Variants in TCP11L2 observed in about 807,000 individuals in gnomAD.
TCP11L2 encodes the protein T-complex protein 11-like protein 2.
TCP11L2 carries 39 observed loss-of-function variants against 50.7 expected under a neutral mutation model. The observed-to-expected ratio is 0.77, with a 90% CI of 0.60 to 1.01. The LOEUF (loss-of-function observed/expected upper bound fraction) is 1.01. Ranked by LOEUF, TCP11L2 falls within the 50% of genes least tolerant of loss-of-function variation. TCP11L2 has a pLI of 0.00. For synonymous variants in TCP11L2, 192 were observed against 219.3 expected (o/e 0.88, Z 1.10); for missense variants, 612 against 614.7 (o/e 1.00, Z 0.05).
At chr12:106,311,933 C>A (rs1030158362) in intron 2 of TCP11L2, among the ~76,000 whole-genome samples, 5 of 152,086 alleles carry the variant, frequency 3.3e-5, no homozygotes, top group African/African-American at 1.2e-4. Flanking sequence ...GAACTGTCCA[C>A]TTCTTACAAA....
chr12:106,317,657 GTA>G (rs1278743047), intron 3 of TCP11L2, among the ~76,000 whole-genome samples: 3 of 152,220 alleles, frequency 2.0e-5, no homozygotes, highest in African/African-American at 7.2e-5. Flanking sequence ...CTTAGGAAAG[GTA>G]TATAGCTCTG....
At chr12:106,328,316 C>T (rs374612481) in intron 6 of TCP11L2, among the ~76,000 whole-genome samples, 8 of 152,160 alleles carry the variant, frequency 5.3e-5, no homozygotes, top group East Asian at 3.9e-4. Context: ...GAGGCCAAGG[C>T]GGGCAGATCA....
intron 1 of TCP11L2, 192 bp downstream of exon 1, chr12:106,303,133 C>G (rs765516033): frequency 2.0e-5 from 3 of 152,196 alleles, no homozygotes; most frequent in Non-Finnish European, 4.4e-5. Flanking sequence ...TGTTTGACCT[C>G]GAACTGCCGT....
chr12:106,346,160 G>C, intron 9 of TCP11L2, 126 bp from the exon 10 acceptor site: 1 of 954,802 alleles, frequency 1.0e-6, no homozygotes, highest in Non-Finnish European at 1.5e-6. Flanking sequence ...AAAGGGGATG[G>C]GTGCAGGGAG....
intron 4 of TCP11L2, among the ~76,000 whole-genome samples, chr12:106,320,189 G>A (rs760831261): frequency 5.3e-5 from 8 of 152,086 alleles, no homozygotes; most frequent in Non-Finnish European, 1.0e-4. Flanking sequence ...TCACAAGGTC[G>A]GGGGATAGAG....
At chr12:106,336,921 A>G (rs773742184) in intron 8 of TCP11L2, among the ~76,000 whole-genome samples, 1 of 152,238 alleles carries the variant, frequency 6.6e-6, no homozygotes, top group Non-Finnish European at 1.5e-5. Context: ...AAGTCTTCAG[A>G]AGTGCTGACA....
At chr12:106,332,854 A>G (rs1207656524) in intron 6 of TCP11L2, among the ~76,000 whole-genome samples, 2 of 152,216 alleles carry the variant, frequency 1.3e-5, no homozygotes, top group African/African-American at 4.8e-5. Context: ...TTAGGGCTTC[A>G]TGATAGAAAT....
chr12:106,324,544 T>G (rs1461054078), intron 6 of TCP11L2: 2 of 152,194 alleles, frequency 1.3e-5, no homozygotes, highest in African/African-American at 4.8e-5. Flanking sequence ...GATTTTCATT[T>G]TTGAAGAATA....
rs117198662 is a variant in TCP11L2 at position 106,321,956 on chromosome 12, T to C, written c.635+250T>C. On this transcript the variant is annotated intron_variant, in intron 5 of 9. Transcript: ENST00000299045. ...GATGCAATGATGAAAAAGACAGATA[T>C]AATCCCTGACTCCAGGGAGTCTAAT... Among the ~76,000 whole-genome samples the C allele has an allele frequency of 3.9e-3, 589 of 152,286 alleles. 2 individuals carry two copies. Among genetic ancestry groups the C allele is most frequent in the Middle Eastern group, 6.8e-3 (2 of 294 alleles).
intron 6 of TCP11L2, among the ~76,000 whole-genome samples, chr12:106,328,511 TC>T (rs1383220656): frequency 2.0e-5 from 3 of 152,162 alleles, no homozygotes; most frequent in African/African-American, 7.2e-5. Context: ...GCCTCTGCAC[TC>T]CAGCCTGGGC....
chr12:106,325,917 A>G (rs992210625), intron 6 of TCP11L2: 1 of 135,132 alleles, frequency 7.4e-6, no homozygotes, highest in Non-Finnish European at 1.6e-5. Context: ...AAAAAAACCC[A>G]CACACACCAG....
intron 3 of TCP11L2, among the ~76,000 whole-genome samples, chr12:106,315,832 G>A (rs1285388612): frequency 2.0e-5 from 3 of 152,278 alleles, no homozygotes; most frequent in South Asian, 2.1e-4. Context: ...CAGATCAGTC[G>A]TCTTTAGAAG....
chr12:106,308,592 C>T (rs1426855562), intron 1 of TCP11L2, among the ~76,000 whole-genome samples: 3 of 152,154 alleles, frequency 2.0e-5, no homozygotes, highest in African/African-American at 7.2e-5. Context: ...AAGAGCAGAG[C>T]ATGCATAGCA....
chr12:106,319,279 A>G (rs906997081), intron 4 of TCP11L2, among the ~76,000 whole-genome samples: 63 of 152,190 alleles, frequency 4.1e-4, no homozygotes, highest in Admixed American at 6.5e-4. Flanking sequence ...ATCACCTCCC[A>G]AAGGCCCCAC....
chr12:106,316,683 T>C (rs1293267619), intron 3 of TCP11L2, among the ~76,000 whole-genome samples: 2 of 152,128 alleles, frequency 1.3e-5, no homozygotes, highest in Non-Finnish European at 2.9e-5. Flanking sequence ...TCTGAAATTG[T>C]CGTATTCATT....
At chr12:106,319,727 T>C (rs960087352) in intron 4 of TCP11L2, among the ~76,000 whole-genome samples, 1 of 152,242 alleles carries the variant, frequency 6.6e-6, no homozygotes, top group African/African-American at 2.4e-5. Flanking sequence ...CTGTTATTCT[T>C]ATTTATTAAA....
chr12:106,317,685 G>A (rs146336646), intron 3 of TCP11L2, among the ~76,000 whole-genome samples: 66 of 152,196 alleles, frequency 4.3e-4, no homozygotes, highest in Non-Finnish European at 7.6e-4. Context: ...AAAGAGCCTC[G>A]TCAGTAATTA....
chr12:106,311,070 C>T lies in TCP11L2; in HGVS notation c.-6C>T, dbSNP rs528446434. On this transcript the variant is annotated 5_prime_UTR_variant, in exon 2 of 10. In the 5' UTR this introduces an upstream ATG that the reference lacks. Transcript: ENST00000299045. ...TACCTTTTTACCCACACTTAAGTGA[C>T]GCAAAATGCCCTTCAATGGCGAGAA... The T allele has an allele frequency of 1.4e-5, 22 of 1,613,748 alleles. No individual in the cohort carries two copies. The highest frequency in any genetic ancestry group is 4.0e-5 in the African/African-American group (3 of 75,056).
chr12:106,312,612 G>A (rs1420894710), intron 2 of TCP11L2, among the ~76,000 whole-genome samples: 2 of 152,294 alleles, frequency 1.3e-5, no homozygotes, highest in East Asian at 3.9e-4. Flanking sequence ...GCCAGGCGCA[G>A]TGGCTCACAC....
Sources: gnomAD v4.1 joint callset for allele counts (sites outside exome capture counted in the v4.1 genomes callset) on GRCh38, gnomAD v4.1.1 for gene constraint, MANE v1.5 for transcripts, NCBI Gene and HGNC (gene_info 2026-07-23, HGNC 2026-07-21) for gene names.